The following LRRC4C variants were observed in gnomAD, a reference collection of about 807,000 sequenced individuals.
The protein encoded by LRRC4C is leucine-rich repeat-containing protein 4C.
A neutral mutation model predicts 33.6 loss-of-function variants in LRRC4C; 5 were observed. The ratio of observed to expected loss-of-function variants is 0.15; its 90% confidence interval spans 0.08 to 0.31. LRRC4C has a LOEUF of 0.31. Among genes scored for constraint, LRRC4C ranks in the 10% least tolerant of loss-of-function variants. The pLI is 1.00. For missense variants in LRRC4C, 560 were observed against 796.7 expected (o/e 0.70, Z 3.58); for synonymous variants, 329 against 302.0 (o/e 1.09, Z -0.93).
chr11:40,679,528 C>T (rs1264232467), intron 2 of LRRC4C, among the ~76,000 whole-genome samples: 3 of 152,324 alleles, frequency 2.0e-5, no homozygotes, highest in African/African-American at 4.8e-5. Flanking sequence ...GGCCCAGGAT[C>T]CCTCTGCTGT....
intron 2 of LRRC4C, among the ~76,000 whole-genome samples, chr11:40,649,415 T>C (rs1301902679): frequency 6.6e-6 from 1 of 152,218 alleles, no homozygotes; most frequent in Non-Finnish European, 1.5e-5. Flanking sequence ...GTATAGGCTC[T>C]CTGCAAGAAG....
chr11:41,288,418 G>A (rs571620301), intron 1 of LRRC4C, among the ~76,000 whole-genome samples: 1 of 152,106 alleles, frequency 6.6e-6, no homozygotes, highest in African/African-American at 2.4e-5. Flanking sequence ...ACTGGGGAGA[G>A]AGAGTGTATG....
chr11:41,243,540 T>C (rs1948335046), intron 1 of LRRC4C, among the ~76,000 whole-genome samples: 1 of 152,180 alleles, frequency 6.6e-6, no homozygotes, highest in African/African-American at 2.4e-5. Flanking sequence ...TCCTTACAGC[T>C]ATGTGTGGCC....
At chr11:40,670,903 A>G (rs749748703) in intron 2 of LRRC4C, among the ~76,000 whole-genome samples, 1 of 152,118 alleles carries the variant, frequency 6.6e-6, no homozygotes, top group African/African-American at 2.4e-5. Flanking sequence ...GGCTGGGACT[A>G]TAGGTGCCCG....
chr11:40,953,046 A>G (rs1958788045), intron 1 of LRRC4C, among the ~76,000 whole-genome samples: 1 of 152,056 alleles, frequency 6.6e-6, no homozygotes, highest in South Asian at 2.1e-4. Context: ...ATGAGCATAC[A>G]AATATACTAA....
intron 1 of LRRC4C, among the ~76,000 whole-genome samples, chr11:41,343,187 GT>G (rs1951694742): frequency 6.6e-6 from 1 of 152,170 alleles, no homozygotes; most frequent in East Asian, 1.9e-4. Context: ...GAGTTAGGAA[GT>G]TGGACATATC....
At chr11:40,449,592 T>G (rs1951797643) in intron 3 of LRRC4C, among the ~76,000 whole-genome samples, 4 of 152,158 alleles carry the variant, frequency 2.6e-5, no homozygotes, top group Admixed American at 2.6e-4. Flanking sequence ...TAATCCAGAA[T>G]CAAGTTTTGA....
intron 3 of LRRC4C, among the ~76,000 whole-genome samples, chr11:40,532,595 G>A (rs1025480892): frequency 2.0e-5 from 3 of 151,780 alleles, no homozygotes; most frequent in Non-Finnish European, 2.9e-5. Flanking sequence ...GATATCTAGT[G>A]TCATGTAAGG....
At chr11:40,325,706 AT>A (rs1212102320) in intron 3 of LRRC4C, among the ~76,000 whole-genome samples, 2 of 152,018 alleles carry the variant, frequency 1.3e-5, no homozygotes, top group Non-Finnish European at 2.9e-5. Flanking sequence ...ACTAACACTT[AT>A]TTTTTTCATT....
At chr11:40,629,328 T>A (rs1471297216) in intron 3 of LRRC4C, among the ~76,000 whole-genome samples, 1 of 152,174 alleles carries the variant, frequency 6.6e-6, no homozygotes, top group African/African-American at 2.4e-5. Context: ...TTTGTAATCA[T>A]CACAACCATA....
intron 2 of LRRC4C, among the ~76,000 whole-genome samples, chr11:40,678,486 T>C (rs1004238938): frequency 1.3e-5 from 2 of 152,206 alleles, no homozygotes; most frequent in African/African-American, 4.8e-5. Context: ...TTTATTCTAA[T>C]ATGATATGGT....
intron 3 of LRRC4C, among the ~76,000 whole-genome samples, chr11:40,543,615 GTCTT>G (rs1244294273): frequency 6.6e-6 from 1 of 152,064 alleles, no homozygotes; most frequent in Admixed American, 6.6e-5. Flanking sequence ...ATAAAATTGA[GTCTT>G]TCATTTGTCT....
intron 1 of LRRC4C, among the ~76,000 whole-genome samples, chr11:41,192,055 C>G (rs1451687993): frequency 6.6e-6 from 1 of 152,114 alleles, no homozygotes; most frequent in African/African-American, 2.4e-5. Flanking sequence ...TAGATAGCCA[C>G]ACAGCACATC....
intron 3 of LRRC4C, among the ~76,000 whole-genome samples, chr11:40,601,230 C>T (rs1467021126): frequency 6.6e-6 from 1 of 152,096 alleles, no homozygotes. Context: ...TTTACTTATC[C>T]ACCTTCAGAC....
intron 3 of LRRC4C, among the ~76,000 whole-genome samples, chr11:40,462,960 C>T (rs1313977726): frequency 7.0e-6 from 1 of 143,818 alleles, no homozygotes; most frequent in African/African-American, 2.6e-5. Context: ...GGTCTCACAT[C>T]ATACTTATCC....
intron 2 of LRRC4C, among the ~76,000 whole-genome samples, chr11:40,847,777 T>C (rs1397546650): frequency 1.1e-4 from 11 of 100,688 alleles, no homozygotes; most frequent in African/African-American, 3.6e-4. Context: ...CGTTTGGTCC[T>C]GGGCTTTTTT....
At chr11:40,508,522 C>T (rs923047074) in intron 3 of LRRC4C, among the ~76,000 whole-genome samples, 6 of 152,116 alleles carry the variant, frequency 3.9e-5, no homozygotes, top group Admixed American at 1.3e-4. Flanking sequence ...CAGCATTTAG[C>T]TCATGTACTC....
chr11:40,717,264 T>C (rs1251539627), intron 2 of LRRC4C, among the ~76,000 whole-genome samples: 2 of 144,790 alleles, frequency 1.4e-5, no homozygotes, highest in Non-Finnish European at 3.0e-5. Context: ...TTTTTTCAAA[T>C]GTATGTGTAT....
At chr11:41,300,167 T>C (rs1188956555) in intron 1 of LRRC4C, among the ~76,000 whole-genome samples, 1 of 152,200 alleles carries the variant, frequency 6.6e-6, no homozygotes, top group Non-Finnish European at 1.5e-5. Flanking sequence ...GAAGTGTCAC[T>C]GGGGAAATTA....
Sources: allele counts gnomAD v4.1 joint callset (sites outside exome capture counted in the v4.1 genomes callset), GRCh38; gene constraint gnomAD v4.1.1; transcripts MANE v1.5; gene names NCBI Gene and HGNC (gene_info 2026-07-23, HGNC 2026-07-21).